FUT9: variants seen among roughly 807,000 people sequenced by gnomAD.
FUT9 encodes fucosyltransferase 9.
Under a neutral mutation model 29.7 loss-of-function variants are expected in FUT9, and 15 were observed. The observed-to-expected ratio is 0.51, with a 90% CI of 0.34 to 0.78. FUT9 has a LOEUF of 0.78. Among genes scored for constraint, FUT9 ranks in the 30% least tolerant of loss-of-function variants. The pLI is 0.01. For missense variants in FUT9, 319 were observed against 425.4 expected (o/e 0.75, Z 2.20); for synonymous variants, 169 against 153.7 (o/e 1.10, Z -0.74).
chr6:96,068,643 G>A (rs7765491), intron 1 of FUT9, among the ~76,000 whole-genome samples: 84,529 of 152,002 alleles, frequency 0.56, 23,617 homozygotes, highest in South Asian at 0.64. Context: ...AGTTTAAGTA[G>A]TGTTAGGTAT....
chr6:96,176,299 T>C (rs898087428), intron 2 of FUT9, among the ~76,000 whole-genome samples: 3 of 151,972 alleles, frequency 2.0e-5, no homozygotes, highest in Non-Finnish European at 2.9e-5. Context: ...TTTATATCTC[T>C]CTACATTTAT....
At chr6:96,190,316 C>G (rs970603925) in intron 2 of FUT9, among the ~76,000 whole-genome samples, 3 of 152,148 alleles carry the variant, frequency 2.0e-5, no homozygotes, top group Non-Finnish European at 4.4e-5. Flanking sequence ...GTAACCCGAC[C>G]TTTCTCTCTG....
In FUT9 at chr6:96,145,308, G is replaced by A. The variant is rs9390932; in HGVS notation, c.-9+31181G>A. On this transcript the variant is annotated intron_variant, in intron 2 of 2. Transcript: ENST00000302103. Reference sequence around the variant, plus strand: ...CTCCTGACCGTGATCCGCCCGCCTCGGCCTCCCAAAGTGCTGGGATTACAG... The same window carrying A: ...CTCCTGACCGTGATCCGCCCGCCTCAGCCTCCCAAAGTGCTGGGATTACAG... Among the ~76,000 whole-genome samples, 387 of 152,150 alleles carry A rather than the reference G, an allele frequency of 2.5e-3. 5 individuals are homozygous for A. In the East Asian group the frequency reaches 0.042, roughly 16 times the overall value.
At chr6:96,098,233 A>G (rs879668338) in intron 1 of FUT9, among the ~76,000 whole-genome samples, 2 of 152,080 alleles carry the variant, frequency 1.3e-5, no homozygotes, top group African/African-American at 2.4e-5. Flanking sequence ...ATAAAGCATG[A>G]TTTTCAGAAC....
At chr6:96,026,028 A>C (rs1770161926) in intron 1 of FUT9, among the ~76,000 whole-genome samples, 1 of 151,764 alleles carries the variant, frequency 6.6e-6, no homozygotes, top group African/African-American at 2.4e-5. Context: ...TCACCCCTTT[A>C]TAATGGGCAG....
chr6:96,186,973 C>T (rs1773416440), intron 2 of FUT9, among the ~76,000 whole-genome samples: 1 of 152,094 alleles, frequency 6.6e-6, no homozygotes, highest in South Asian at 2.1e-4. Flanking sequence ...GAATGTTTAA[C>T]CATTCATCCA....
At chr6:96,048,621 C>T (rs936475792) in intron 1 of FUT9, among the ~76,000 whole-genome samples, 2 of 152,124 alleles carry the variant, frequency 1.3e-5, no homozygotes, top group Non-Finnish European at 2.9e-5. Flanking sequence ...GATTTAAGTT[C>T]CTATGATACT....
chr6:96,039,832 A>G (rs1317256568), intron 1 of FUT9, among the ~76,000 whole-genome samples: 1 of 152,170 alleles, frequency 6.6e-6, no homozygotes. Context: ...TGTAGACGTA[A>G]TGAAATGAAT....
intron 1 of FUT9, among the ~76,000 whole-genome samples, chr6:96,025,808 C>G (rs1013151343): frequency 1.3e-5 from 2 of 151,666 alleles, no homozygotes; most frequent in African/African-American, 2.4e-5. Context: ...TTTCTCTGCT[C>G]ACAACTTAAC....
At chr6:96,155,804 A>G (rs1013338544) in intron 2 of FUT9, among the ~76,000 whole-genome samples, 1 of 151,868 alleles carries the variant, frequency 6.6e-6, no homozygotes, top group African/African-American at 2.4e-5. Flanking sequence ...GCCAAGAAAG[A>G]GTCTCAGAAG....
intron 2 of FUT9, among the ~76,000 whole-genome samples, chr6:96,118,108 G>A (rs1027855570): frequency 7.9e-5 from 12 of 151,910 alleles, no homozygotes; most frequent in African/African-American, 2.7e-4. Flanking sequence ...GGAAGGCTGA[G>A]GCAGGAGAAT....
intron 1 of FUT9, among the ~76,000 whole-genome samples, chr6:96,018,544 G>C (rs1329095076): frequency 6.6e-6 from 1 of 152,016 alleles, no homozygotes; most frequent in African/African-American, 2.4e-5. Context: ...GTATGGGGAG[G>C]TAAGGCACAC....
chr6:96,142,424 C>A (rs1184540494), intron 2 of FUT9, among the ~76,000 whole-genome samples: 1 of 152,116 alleles, frequency 6.6e-6, no homozygotes, highest in Admixed American at 6.6e-5. Context: ...ACTGGAGAGA[C>A]AAAGCTGGTG....
At chr6:96,191,194 G>A (rs1773501529) in intron 2 of FUT9, among the ~76,000 whole-genome samples, 1 of 151,874 alleles carries the variant, frequency 6.6e-6, no homozygotes, top group Non-Finnish European at 1.5e-5. Flanking sequence ...GGTATCAGCA[G>A]TGGAAGCTCT....
chr6:96,081,922 T>C (rs1771244422), intron 1 of FUT9, among the ~76,000 whole-genome samples: 1 of 152,008 alleles, frequency 6.6e-6, no homozygotes, highest in African/African-American at 2.4e-5. Flanking sequence ...TGATTGCTAA[T>C]GCAGTTGAGC....
chr6:96,049,183 C>A (rs538858211), intron 1 of FUT9, among the ~76,000 whole-genome samples: 2 of 152,008 alleles, frequency 1.3e-5, no homozygotes, highest in Non-Finnish European at 2.9e-5. Context: ...GAAGAAGAGG[C>A]GGACATAGAG....
At chr6:96,064,682 G>A (rs1770933715) in intron 1 of FUT9, among the ~76,000 whole-genome samples, 1 of 151,938 alleles carries the variant, frequency 6.6e-6, no homozygotes, top group South Asian at 2.1e-4. Context: ...CTCTATTCTT[G>A]GCTTATTTGT....
At chr6:96,126,796 T>C (rs2127967283) in intron 2 of FUT9, among the ~76,000 whole-genome samples, 1 of 152,324 alleles carries the variant, frequency 6.6e-6, no homozygotes, top group Admixed American at 6.5e-5. Flanking sequence ...ATCATTTCTG[T>C]ATTCTTTAAC....
At chr6:96,073,515 A>G (rs1771097280) in intron 1 of FUT9, among the ~76,000 whole-genome samples, 1 of 152,204 alleles carries the variant, frequency 6.6e-6, no homozygotes, top group Admixed American at 6.5e-5. Flanking sequence ...CAACGCAAGT[A>G]AAGGCCTAAA....
Sources: gnomAD v4.1 joint callset for allele counts (sites outside exome capture counted in the v4.1 genomes callset) on GRCh38, gnomAD v4.1.1 for gene constraint, MANE v1.5 for transcripts, NCBI Gene and HGNC (gene_info 2026-07-23, HGNC 2026-07-21) for gene names.